Variants in NR4A3 observed in about 807,000 individuals in gnomAD.
NR4A3 encodes the protein nuclear receptor subfamily 4 group A member 3, also known as chondrosarcoma, extraskeletal myxoid, fused to EWS.
A neutral mutation model predicts 55.6 loss-of-function variants in NR4A3; 13 were observed. The observed-to-expected ratio is 0.23, with a 90% confidence interval of 0.15 to 0.37. The LOEUF (loss-of-function observed/expected upper bound fraction) is 0.37. Ranked by LOEUF, NR4A3 falls within the 10% of genes least tolerant of loss-of-function variation. NR4A3 has a pLI of 1.00. For missense variants in NR4A3, 646 were observed against 822.8 expected, an observed-to-expected ratio of 0.79 and a Z score of 2.63; for synonymous variants, 342 against 357.9, an observed-to-expected ratio of 0.96 and a Z score of 0.50.
Position 99,844,997 on chromosome 9 carries a change from G to T in NR4A3, c.1454+149G>T, listed in dbSNP as rs1001835042. The T allele has an allele frequency of 1.1e-5, 8 of 697,872 alleles. No homozygotes were observed. In the Admixed American group the frequency reaches 1.9e-4, roughly 16 times the overall value. 43.2% of individuals were successfully genotyped at this position (697,872 alleles called of 1,614,324 possible). A position where few individuals can be genotyped will look rare whatever the true frequency, so the allele number is the denominator to read the frequency against. ...TAAAAAGACTGAGCAGCGAGTCACG[G>T]AGGGAGCACTAGGCTTGCCACCAGG... On this transcript the variant is annotated intron_variant, in intron 6 of 7. Transcript: ENST00000395097.
chr9:99,827,562 A>G (rs1462683222), intron 2 of NR4A3, among the ~76,000 whole-genome samples: 1 of 152,200 alleles, frequency 6.6e-6, no homozygotes, highest in Non-Finnish European at 1.5e-5. Flanking sequence ...TAAATCTCTC[A>G]CAGGGTAGTT....
chr9:99,828,655 C>T lies in NR4A3; in HGVS notation c.613C>T (p.Pro205Ser). Residue 205 changes from proline to serine, a missense_variant, in exon 3 of 8, where the codon CCG becomes TCG. By Grantham distance (74) the Pro-to-Ser change is moderately conservative (BLOSUM62 -1). This residue lies in a region of NR4A3 where 426 missense variants were observed against 429.4 expected (regional missense o/e 0.99). Coordinates refer to ENST00000395097, the MANE Select transcript of NR4A3 (RefSeq NM_006981.4). This position sits in a 1 kb window ranked among gnomAD's most constrained non-coding sequence, Gnocchi z 7.7. ...PSPPHPPAPSPAGGHHLGYDP... is the reference protein window; with the variant it reads ...PSPPHPPAPSSAGGHHLGYDP... ...GCCGCCGCATCCCCCCGCGCCCAGC[C>T]CGGCCGGCGGCCACCACCTCGGCTA... 2 of 1,425,938 alleles carry T rather than the reference C, an allele frequency of 1.4e-6. No individual in the cohort carries two copies. Among genetic ancestry groups the T allele is most frequent in the Non-Finnish European group, 1.8e-6 (2 of 1,097,462 alleles). The allele number at this position is 1,425,938 out of a possible 1,614,324, so 88.3% of individuals were successfully genotyped here.
In NR4A3 at chr9:99,828,497, CG is replaced by C; in HGVS notation, c.460del (p.Ala154ArgfsTer24). ...TPTTPAFPPQ[A>X]GALWDEALPS... Reference sequence around the variant, plus strand: ...ACCACGCCGGCCTTCCCCCCGCAGGCGGGGGCGTTATGGGACGAGGCACTGC... The same window carrying C: ...ACCACGCCGGCCTTCCCCCCGCAGGCGGGGCGTTATGGGACGAGGCACTGC... On this transcript the variant is annotated frameshift_variant, in exon 3 of 8. Coordinates refer to ENST00000395097, the MANE Select transcript of NR4A3 (RefSeq NM_006981.4). LOFTEE classifies it high-confidence loss of function. The surrounding 1 kb of genome is among the most constrained non-coding windows in gnomAD (Gnocchi z 7.7). 6.3e-7 allele frequency: 1 copy of C among 1,581,416 alleles called. No individual in the cohort carries two copies.
intron 5 of NR4A3, chr9:99,834,969 G>T: frequency 5.1e-6 from 5 of 979,448 alleles, no homozygotes; most frequent in Non-Finnish European, 6.1e-6. Context: ...GAATCATGCG[G>T]GCCTAGATGA....
chr9:99,850,609 A>C (rs1044270028), intron 7 of NR4A3, among the ~76,000 whole-genome samples: 1 of 152,202 alleles, frequency 6.6e-6, no homozygotes, highest in Non-Finnish European at 1.5e-5. Context: ...GCATGGCAGA[A>C]ATAGCATGGA....
At chr9:99,841,419 A>T (rs1212043815) in intron 5 of NR4A3, among the ~76,000 whole-genome samples, 2 of 152,190 alleles carry the variant, frequency 1.3e-5, no homozygotes, top group Non-Finnish European at 2.9e-5. Context: ...ACTGGACCAG[A>T]TGTTATAGGA....
chr9:99,857,778 A>ATAAG (rs2118160045), intron 7 of NR4A3, among the ~76,000 whole-genome samples: 1 of 151,814 alleles, frequency 6.6e-6, no homozygotes, highest in African/African-American at 2.4e-5. Flanking sequence ...AAATAAATAA[A>ATAAG]TAAATAAATA....
rs148772741 is a variant in NR4A3, at chr9:99,830,203, A to G, written c.951+1210A>G. On this transcript the variant is annotated intron_variant, in intron 3 of 7. Coordinates refer to ENST00000395097, the MANE Select transcript of NR4A3 (RefSeq NM_006981.4). ...CTTGGATTTGGGAGGCCAATAGGAT[A>G]TATCTGGGAGTACACCAGAATTAGT... is the stretch of plus-strand genomic sequence containing the variant. 5.9e-5 allele frequency among the ~76,000 whole-genome samples: 9 copies of G among 152,362 alleles called. No homozygotes were observed. In the East Asian group the frequency reaches 1.5e-3, roughly 26 times the overall value.
At chr9:99,860,534 C>A (rs1827994406) in intron 7 of NR4A3, among the ~76,000 whole-genome samples, 1 of 152,154 alleles carries the variant, frequency 6.6e-6, no homozygotes. Flanking sequence ...ACAGCCTGTT[C>A]TTTTGTTTTG....
intron 7 of NR4A3, among the ~76,000 whole-genome samples, chr9:99,855,608 C>T (rs1010551689): frequency 6.6e-6 from 1 of 152,206 alleles, no homozygotes; most frequent in African/African-American, 2.4e-5. Context: ...TTAAATCAGC[C>T]TCAACACAGA....
chr9:99,825,802 C>A lies in NR4A3; in HGVS notation c.-33C>A. 5.8e-6 allele frequency: 1 copy of A among 171,476 alleles called. No individual in the cohort carries two copies. The highest frequency in any genetic ancestry group is 1.3e-5 in the Non-Finnish European group (1 of 78,828). 10.6% of individuals were successfully genotyped at this position (171,476 alleles called of 1,614,324 possible). ...AGCCTCCGCTGGAGAGACCCCCAGCCCCACCATTCAGCGCGCAAGATACCC... is the reference window on the plus strand; with the variant it reads ...AGCCTCCGCTGGAGAGACCCCCAGCACCACCATTCAGCGCGCAAGATACCC... On this transcript the variant is annotated 5_prime_UTR_variant, in exon 2 of 8. Transcript: ENST00000395097. The surrounding 1 kb of genome is among the most constrained non-coding windows in gnomAD (Gnocchi z 5.0).
intron 7 of NR4A3, among the ~76,000 whole-genome samples, chr9:99,851,711 G>A (rs1017452859): frequency 3.9e-5 from 6 of 152,282 alleles, no homozygotes; most frequent in African/African-American, 1.4e-4. Flanking sequence ...CAGGTTCCCT[G>A]TTTATCTACC....
intron 6 of NR4A3, among the ~76,000 whole-genome samples, chr9:99,846,809 G>A (rs965513920): frequency 2.0e-5 from 3 of 152,108 alleles, no homozygotes; most frequent in African/African-American, 7.2e-5. Context: ...CACCAAGCCT[G>A]GCTAATTTTT....
At chr9:99,855,173 T>G (rs1015837967) in intron 7 of NR4A3, among the ~76,000 whole-genome samples, 10 of 152,128 alleles carry the variant, frequency 6.6e-5, no homozygotes, top group Non-Finnish European at 1.5e-4. Context: ...TTTTTGTACA[T>G]TGATTTTGTA....
At chr9:99,843,781 T>A (rs1287291334) in intron 5 of NR4A3, among the ~76,000 whole-genome samples, 2 of 149,026 alleles carry the variant, frequency 1.3e-5, no homozygotes, top group African/African-American at 2.5e-5. Flanking sequence ...GGAGACAGAG[T>A]GCCACTCTGG....
intron 7 of NR4A3, among the ~76,000 whole-genome samples, chr9:99,850,419 T>C (rs1827827656): frequency 6.6e-6 from 1 of 152,148 alleles, no homozygotes; most frequent in African/African-American, 2.4e-5. Context: ...GACGTGTGGG[T>C]GCCAGGAAGA....
At chr9:99,845,999 A>G (rs1827746802) in intron 6 of NR4A3, among the ~76,000 whole-genome samples, 1 of 152,240 alleles carries the variant, frequency 6.6e-6, no homozygotes, top group African/African-American at 2.4e-5. Flanking sequence ...TGTAAGCTCC[A>G]TGCAGGCAGG....
intron 7 of NR4A3, among the ~76,000 whole-genome samples, chr9:99,851,924 C>T (rs914320559): frequency 6.6e-6 from 1 of 152,180 alleles, no homozygotes; most frequent in African/African-American, 2.4e-5. Flanking sequence ...CCACTATGTA[C>T]CAAGCATTGT....
At chr9:99,840,209 G>A (rs531487537) in intron 5 of NR4A3, among the ~76,000 whole-genome samples, 3 of 152,350 alleles carry the variant, frequency 2.0e-5, no homozygotes, top group East Asian at 1.9e-4. Context: ...AGGCTGGGCC[G>A]GCTGGCTTTC....
Sources: gnomAD v4.1 joint callset for allele counts (sites outside exome capture counted in the v4.1 genomes callset) on GRCh38, gnomAD v4.1.1 for gene constraint, gnomAD v4.1.1 regional missense constraint, Gnocchi (gnomAD v3.1) non-coding constraint, MANE v1.5 for transcripts, NCBI Gene and HGNC (gene_info 2026-07-23, HGNC 2026-07-21) for gene names.